GLYATL1B: variants seen among roughly 807,000 people sequenced by gnomAD.
GLYATL1B encodes putative glycine N-acyltransferase-like protein 1B.
In GLYATL1B, 6 loss-of-function variants were observed where a neutral mutation model predicts 5.5. The observed-to-expected ratio is 1.09, with a 90% CI of 0.60 to 2.15. GLYATL1B has a LOEUF of 2.15. GLYATL1B is among the 30% of genes most tolerant of loss of function. The pLI, the probability that GLYATL1B is intolerant of heterozygous loss-of-function variation, is 0.00. For missense variants in GLYATL1B, 135 were observed against 94.1 expected, an observed-to-expected ratio of 1.43 and a Z score of -1.80; for synonymous variants, 67 against 34.9, an observed-to-expected ratio of 1.92 and a Z score of -3.24.
chr11:59,086,955 C>G (rs1427053586), intron 1 of GLYATL1B, 109 bp from the exon 2 acceptor site: 2 of 444,118 alleles, frequency 4.5e-6, no homozygotes, highest in East Asian at 3.3e-5. Flanking sequence ...TCATCACTGA[C>G]TTGGTCCCAG....
chr11:59,093,895 T>C, intron 3 of GLYATL1B, 39 bp from the exon 4 acceptor site: 1 of 638,226 alleles, frequency 1.6e-6, no homozygotes, highest in African/African-American at 1.9e-5. Context: ...AGTAGAGAAC[T>C]GCATGTCTGA....
Position 59,089,481 on chromosome 11 carries a change from G to A in GLYATL1B, c.186+2310G>A, listed in dbSNP as rs561788136. Reference sequence around the variant, plus strand: ...TCCATTAGCAATCTGTGGAAGAATTGTTTCCCACATTCTCATCAGCAGTGA... The same window carrying A: ...TCCATTAGCAATCTGTGGAAGAATTATTTCCCACATTCTCATCAGCAGTGA... On this transcript the variant is annotated intron_variant, in intron 2 of 4. Coordinates refer to ENST00000527482, the MANE Select transcript of GLYATL1B (RefSeq NM_001355566.1). Among the ~76,000 whole-genome samples the A allele has an allele frequency of 3.3e-5, 5 of 152,244 alleles. No homozygotes were observed. In the East Asian group the frequency reaches 9.6e-4, roughly 29 times the overall value.
chr11:59,087,778 G>A (rs1385608441), intron 2 of GLYATL1B, among the ~76,000 whole-genome samples: 6 of 152,074 alleles, frequency 3.9e-5, no homozygotes, highest in Admixed American at 2.6e-4. Flanking sequence ...GCCCCAGAAG[G>A]TTGAGGCTGC....
chr11:59,088,469 C>T (rs1475756797), intron 2 of GLYATL1B, among the ~76,000 whole-genome samples: 2 of 152,122 alleles, frequency 1.3e-5, no homozygotes, highest in Non-Finnish European at 2.9e-5. Flanking sequence ...TAATACCTTC[C>T]CCAGGGATGT....
At chr11:59,092,154 T>C (rs1183716380) in intron 2 of GLYATL1B, among the ~76,000 whole-genome samples, 1 of 152,036 alleles carries the variant, frequency 6.6e-6, no homozygotes, top group Non-Finnish European at 1.5e-5. Context: ...TGGCTCATAC[T>C]CTATGCCTTT....
rs568796311 is a variant in GLYATL1B at position 59,093,761 on chromosome 11, A to C, written c.313+106A>C. 5.0e-5 allele frequency: 22 copies of C among 438,890 alleles called. 1 individual carries two copies. The East Asian group carries it at 7.0e-4, about 14-fold the overall frequency. The allele number at this position is 438,890 out of a possible 1,614,324, so 27.2% of individuals were successfully genotyped here. On this transcript the variant is annotated intron_variant, in intron 3 of 4. Transcript: ENST00000527482. The stretch of plus-strand genomic sequence containing the variant: ...GCTCATTAGAAATGTAAATTCCTTG[A>C]AATTCTCAGAGCTGGGAGAGGTGGA...
In GLYATL1B at chr11:59,088,715, G is replaced by A. The variant is rs1388488266; in HGVS notation, c.186+1544G>A. ...AACAAGGCTAGTTTTTATATAGTGA[G>A]TCAGCAAACAAAAATATTAAAATAT... On this transcript the variant is annotated intron_variant, in intron 2 of 4. Transcript: ENST00000527482. Among the ~76,000 whole-genome samples the A allele has an allele frequency of 2.0e-5, 3 of 152,194 alleles. No individual in the cohort carries two copies. In the South Asian group the frequency reaches 6.2e-4, roughly 32 times the overall value.
rs552738066 is a variant in GLYATL1B at position 59,087,409 on chromosome 11, A to C, written c.186+238A>C. Among the ~76,000 whole-genome samples, 625 of 152,218 alleles carry C rather than the reference A, an allele frequency of 4.1e-3. 9 individuals are homozygous for C. The highest frequency in any genetic ancestry group is 0.014 in the African/African-American group (586 of 41,542). On this transcript the variant is annotated intron_variant, in intron 2 of 4. Coordinates refer to ENST00000527482, the MANE Select transcript of GLYATL1B (RefSeq NM_001355566.1). ...AGGGGAGGAAAAGGACAAAGCTGACACTCACAGATTAAGGGCCCTTTGAGG... is the reference window on the plus strand; with the variant it reads ...AGGGGAGGAAAAGGACAAAGCTGACCCTCACAGATTAAGGGCCCTTTGAGG...
intron 2 of GLYATL1B, among the ~76,000 whole-genome samples, chr11:59,091,940 T>C (rs1859321154): frequency 1.3e-5 from 2 of 152,224 alleles, no homozygotes; most frequent in South Asian, 4.1e-4. Flanking sequence ...AAGCCATAAT[T>C]CTTGTCCACT....
rs541363836 is a variant in GLYATL1B at position 59,087,048 on chromosome 11, T to C, written c.79-16T>C. On this transcript the variant is annotated splice_polypyrimidine_tract_variant and intron_variant, in intron 1 of 4. Coordinates refer to ENST00000527482, the MANE Select transcript of GLYATL1B (RefSeq NM_001355566.1). ...GGGATCTCAGCCTCTCCTATTCCCT[T>C]TCATCCCTCCTTCAGGTGTATGGCT... 74 of 634,248 alleles carry C rather than the reference T, an allele frequency of 1.2e-4. No homozygotes were observed. The East Asian group carries it at 1.8e-3, about 15-fold the overall frequency. The allele number at this position is 634,248 out of a possible 1,614,324, so 39.3% of individuals were successfully genotyped here. A position where few individuals can be genotyped will look rare whatever the true frequency, so the allele number is the denominator to read the frequency against.
chr11:59,092,221 A>ATC (rs937367657), intron 2 of GLYATL1B, among the ~76,000 whole-genome samples: 5 of 142,574 alleles, frequency 3.5e-5, no homozygotes, highest in South Asian at 2.2e-4. Context: ...CCAGAAGTTT[A>ATC]TCTCTCTCTC....
At position 59,093,626 on chromosome 11, in the gene GLYATL1B, T is replaced by C; in HGVS notation, c.284T>C (p.Ile95Thr). ...SQEVLKNSEI[I>T]NWKQKLQIQG... ...GAAGTTTTGAAAAATTCTGAGATCA[T>C]AAACTGGAAACAGAAACTCCAAATC... The change falls in exon 3 of 5, where the codon ATA (isoleucine) becomes ACA (threonine). Residue 95 changes from isoleucine (I) to threonine (T), a missense_variant. Coordinates refer to ENST00000527482, the MANE Select transcript of GLYATL1B (RefSeq NM_001355566.1). 1 of 495,956 alleles carries C rather than the reference T, an allele frequency of 2.0e-6. No individual in the cohort carries two copies. The allele number at this position is 495,956 out of a possible 1,614,324, so 30.7% of individuals were successfully genotyped here.
intron 2 of GLYATL1B, among the ~76,000 whole-genome samples, chr11:59,087,777 G>T (rs1859220945): frequency 2.0e-5 from 3 of 152,102 alleles, no homozygotes; most frequent in Admixed American, 2.0e-4. Context: ...AGCCCCAGAA[G>T]GTTGAGGCTG....
At chr11:59,093,376 G>C (rs1169817447) in intron 2 of GLYATL1B, among the ~76,000 whole-genome samples, 153 bp from the exon 3 acceptor site, 1 of 152,146 alleles carries the variant, frequency 6.6e-6, no homozygotes, top group East Asian at 1.9e-4. Flanking sequence ...GTAGCTTATA[G>C]GTCTCACTTA....
rs1859195775 is a variant in GLYATL1B, at chr11:59,086,340, G to A, written c.34G>A (p.Ala12Thr). Residue 12 changes from alanine (A) to threonine (T), a missense_variant, in exon 1 of 5, where the codon GCC becomes ACC. Physicochemically the swap from Ala to Thr is moderately conservative, Grantham distance 58 (BLOSUM62 0). Transcript: ENST00000527482. ...ATTGAATAATTCCGAGCGGCTGCTG[G>A]CCCTATTCAAATCTTTAGCAAGGAG... ...ILLNNSERLL[A>T]LFKSLARSIP... The A allele has an allele frequency of 5.0e-6, 2 of 398,994 alleles. No homozygotes were observed. The highest frequency in any genetic ancestry group is 8.9e-6 in the Non-Finnish European group (2 of 225,912). The allele number at this position is 398,994 out of a possible 1,614,324, so 24.7% of individuals were successfully genotyped here.
At chr11:59,086,478 C>G (rs1859197954) in intron 1 of GLYATL1B, 94 bp downstream of exon 1, 1 of 395,472 alleles carries the variant, frequency 2.5e-6, no homozygotes, top group Non-Finnish European at 4.5e-6. Flanking sequence ...TGACTTTGTG[C>G]AGAGGGTTGG....
rs547343119 is a variant in GLYATL1B, at chr11:59,086,326, C to T, written c.20C>T (p.Ser7Phe). The change falls in exon 1 of 5, where the codon TCC becomes TTC. Residue 7 changes from serine (S) to phenylalanine (F), a missense_variant. Ser to Phe is a radical substitution (Grantham distance 155). Transcript: ENST00000527482. Reference sequence around the variant, plus strand: ...CACAAAATGATTCTATTGAATAATTCCGAGCGGCTGCTGGCCCTATTCAAA... The same window carrying T: ...CACAAAATGATTCTATTGAATAATTTCGAGCGGCTGCTGGCCCTATTCAAA... Reference protein sequence around the residue: MILLNNSERLLALFKSL... With the variant: MILLNNFERLLALFKSL... 6.8e-4 allele frequency: 271 copies of T among 399,026 alleles called. 2 individuals carry two copies. Among genetic ancestry groups the T allele is most frequent in the South Asian group, 4.3e-3 (34 of 7,852 alleles). 24.7% of individuals were successfully genotyped at this position (399,026 alleles called of 1,614,324 possible). A position where few individuals can be genotyped will look rare whatever the true frequency, so the allele number is the denominator to read the frequency against.
At chr11:59,086,998 C>T in intron 1 of GLYATL1B, 66 bp from the exon 2 acceptor site, 2 of 531,644 alleles carry the variant, frequency 3.8e-6, no homozygotes, top group Non-Finnish European at 3.3e-6. Context: ...TTCTCTTCCT[C>T]TTCACATACA....
intron 2 of GLYATL1B, among the ~76,000 whole-genome samples, chr11:59,088,630 T>A (rs1420224885): frequency 6.6e-6 from 1 of 152,236 alleles, no homozygotes; most frequent in Admixed American, 6.5e-5. Flanking sequence ...GTAGTCACTA[T>A]GTGTATTTTA....
Sources: allele counts gnomAD v4.1 joint callset (sites outside exome capture counted in the v4.1 genomes callset), GRCh38; gene constraint gnomAD v4.1.1; transcripts MANE v1.5; gene names NCBI Gene and HGNC (gene_info 2026-07-23, HGNC 2026-07-21).